The following SLC25A48 variants were observed in gnomAD, a reference collection of about 807,000 sequenced individuals.
SLC25A48 encodes CTC-321K16.1.
Under a neutral mutation model 32.2 loss-of-function variants are expected in SLC25A48, and 29 were observed. That is an observed-to-expected ratio of 0.90 (90% CI 0.67 to 1.23). SLC25A48 has a LOEUF of 1.23. Among genes scored for constraint, SLC25A48 ranks in the 50% most tolerant of loss-of-function variants. The probability of loss-of-function intolerance (pLI) is 0.00; values close to 1 mark genes in which losing one functional copy is unlikely to be tolerated. For synonymous variants in SLC25A48, 164 were observed against 172.3 expected, an observed-to-expected ratio of 0.95 and a Z score of 0.38; for missense variants, 399 against 422.7, an observed-to-expected ratio of 0.94 and a Z score of 0.49.
intron 1 of SLC25A48, among the ~76,000 whole-genome samples, chr5:135,597,396 C>T (rs898088758): frequency 3.3e-5 from 5 of 152,164 alleles, no homozygotes; most frequent in South Asian, 2.1e-4. Flanking sequence ...TACCTGCCTC[C>T]GACCTGCCTC....
At chr5:135,826,747 C>T (rs566059961) in intron 4 of SLC25A48, 2 of 152,176 alleles carry the variant, frequency 1.3e-5, no homozygotes, top group Non-Finnish European at 2.9e-5. Flanking sequence ...CCCGAGCTCA[C>T]ACAGCTAGCA....
chr5:135,886,634 T>TAA (rs1554088454), intron 7 of SLC25A48, among the ~76,000 whole-genome samples: 3,188 of 28,840 alleles, frequency 0.11, 465 homozygotes, highest in East Asian at 0.19. Context: ...TATATATATA[T>TAA]ATAAAATATA....
chr5:135,587,982 G>C (rs974454041), intron 1 of SLC25A48, among the ~76,000 whole-genome samples: 1 of 152,242 alleles, frequency 6.6e-6, no homozygotes, highest in Admixed American at 6.5e-5. Context: ...GGGACTCTGA[G>C]AACGGGCCCC....
At chr5:135,864,144 CT>C (rs995207401) in intron 4 of SLC25A48, among the ~76,000 whole-genome samples, 2 of 152,142 alleles carry the variant, frequency 1.3e-5, no homozygotes, top group Non-Finnish European at 2.9e-5. Flanking sequence ...CAAGAGGGGT[CT>C]CAGCCACAAA....
intron 3 of SLC25A48, among the ~76,000 whole-genome samples, chr5:135,636,924 T>C (rs1752719080): frequency 6.6e-6 from 1 of 152,192 alleles, no homozygotes; most frequent in African/African-American, 2.4e-5. Flanking sequence ...ACTCCCCAAC[T>C]TCTATGCTGC....
chr5:135,867,387 A>C (rs537410523), intron 4 of SLC25A48, among the ~76,000 whole-genome samples: 1 of 152,300 alleles, frequency 6.6e-6, no homozygotes, highest in South Asian at 2.1e-4. Flanking sequence ...TTTTCAAATC[A>C]GCTTTTAAGA....
intron 3 of SLC25A48, among the ~76,000 whole-genome samples, chr5:135,789,987 A>G (rs994916422): frequency 9.9e-5 from 15 of 151,976 alleles, no homozygotes; most frequent in African/African-American, 3.6e-4. Flanking sequence ...AATACTATGA[A>G]CAATACCACT....
chr5:135,657,738 G>A (rs140016224), intron 3 of SLC25A48, among the ~76,000 whole-genome samples: 2 of 152,332 alleles, frequency 1.3e-5, no homozygotes, highest in African/African-American at 4.8e-5. Context: ...TTGCCAGCCT[G>A]CATTTGCCAT....
chr5:135,843,893 GC>G (rs951190971), intron 2 of SLC25A48, among the ~76,000 whole-genome samples: 4 of 152,158 alleles, frequency 2.6e-5, no homozygotes, highest in Non-Finnish European at 5.9e-5. Flanking sequence ...CGTGCCTCCT[GC>G]CAGCCCTGCA....
At chr5:135,787,725 G>T (rs1381470526) in intron 3 of SLC25A48, among the ~76,000 whole-genome samples, 1 of 151,780 alleles carries the variant, frequency 6.6e-6, no homozygotes, top group African/African-American at 2.4e-5. Flanking sequence ...ACATTTTAGG[G>T]ATATGTTACT....
intron 1 of SLC25A48, among the ~76,000 whole-genome samples, chr5:135,605,154 A>G (rs1332486118): frequency 2.6e-5 from 4 of 152,224 alleles, no homozygotes; most frequent in African/African-American, 4.8e-5. Context: ...TATCTATGTT[A>G]TGGAATTTTG....
chr5:135,852,491 C>A (rs1580992060), intron 3 of SLC25A48, 72 bp from the exon 4 acceptor site: 3 of 1,524,512 alleles, frequency 2.0e-6, no homozygotes, highest in Non-Finnish European at 2.7e-6. Context: ...CGGTGGTGTA[C>A]CCCGTCAGCC....
rs570568543 is a variant in SLC25A48, at chr5:135,888,376, G to C, written c.*352G>C. 89 of 320,894 alleles carry C rather than the reference G, an allele frequency of 2.8e-4. No individual in the cohort carries two copies. The South Asian group carries it at 6.0e-3, about 22-fold the overall frequency. The allele number at this position is 320,894 out of a possible 1,614,324, so 19.9% of individuals were successfully genotyped here. On this transcript the variant is annotated 3_prime_UTR_variant, in exon 8 of 8. Transcript: ENST00000681962. The stretch of plus-strand genomic sequence containing the variant: ...CTTCACTCCTCTGTCTGAGGATGGG[G>C]AGGGGCCAGTGAGCTCTGGGCTCAG...
intron 3 of SLC25A48, among the ~76,000 whole-genome samples, chr5:135,749,720 T>C (rs539947701): frequency 9.2e-5 from 14 of 152,264 alleles, no homozygotes; most frequent in Admixed American, 7.8e-4. Flanking sequence ...GCTTCCTAAG[T>C]AGCCGCGATT....
At chr5:135,777,323 A>G (rs11242276) in intron 3 of SLC25A48, among the ~76,000 whole-genome samples, 106,947 of 151,436 alleles carry the variant, frequency 0.71, 39,189 homozygotes, top group Middle Eastern at 0.83. Flanking sequence ...CCCACCCCCC[A>G]ATATTGTTCC....
chr5:135,800,867 G>T (rs1351000082), intron 3 of SLC25A48, among the ~76,000 whole-genome samples: 1 of 151,464 alleles, frequency 6.6e-6, no homozygotes, highest in East Asian at 2.0e-4. Context: ...AACATCCAGA[G>T]GGGGAGAGGA....
intron 3 of SLC25A48, among the ~76,000 whole-genome samples, chr5:135,642,823 G>A (rs928511755): frequency 1.3e-5 from 2 of 152,218 alleles, no homozygotes; most frequent in African/African-American, 4.8e-5. Flanking sequence ...GCTCTTGGCA[G>A]GTCCTGACTC....
At chr5:135,825,438 G>A (rs557061390) in intron 4 of SLC25A48, among the ~76,000 whole-genome samples, 5 of 152,292 alleles carry the variant, frequency 3.3e-5, no homozygotes, top group Admixed American at 6.5e-5. Context: ...AGGCAAGGCC[G>A]GTGGGTTTTA....
intron 3 of SLC25A48, among the ~76,000 whole-genome samples, chr5:135,637,711 T>A (rs1279175194): frequency 6.6e-6 from 1 of 152,176 alleles, no homozygotes; most frequent in African/African-American, 2.4e-5. Flanking sequence ...GGTTACAAGG[T>A]GGGTTAGGGG....
Sources: allele counts gnomAD v4.1 joint callset (sites outside exome capture counted in the v4.1 genomes callset), GRCh38; gene constraint gnomAD v4.1.1; transcripts MANE v1.5; gene names NCBI Gene and HGNC (gene_info 2026-07-23, HGNC 2026-07-21).